Variants in SMIM3 observed in about 807,000 individuals in gnomAD.
SMIM3 encodes the protein NGF-induced differentiation clone 67 protein.
A neutral mutation model predicts 2.1 loss-of-function variants in SMIM3; 4 were observed. The observed-to-expected ratio is 1.89, with a 90% CI of 0.93 to 4.31. The LOEUF is 4.31. Ranked by LOEUF, SMIM3 falls within the 30% of genes most tolerant of loss-of-function variation. The pLI is 0.01. For synonymous variants in SMIM3, 29 were observed against 30.8 expected (o/e 0.94, Z 0.19); for missense variants, 79 against 77.7 (o/e 1.02, Z -0.06).
At chr5:150,793,868 G>A (rs764757316) in intron 1 of SMIM3, among the ~76,000 whole-genome samples, 13 of 152,034 alleles carry the variant, frequency 8.6e-5, no homozygotes, top group Non-Finnish European at 1.9e-4. Flanking sequence ...AGGAACAGTC[G>A]GCAGAGTAAA....
intron 1 of SMIM3, among the ~76,000 whole-genome samples, chr5:150,780,158 A>G (rs1044216223): frequency 6.6e-6 from 1 of 152,110 alleles, no homozygotes; most frequent in Non-Finnish European, 1.5e-5. Context: ...AGCGGGAAGA[A>G]CAGGTACTCT....
intron 1 of SMIM3, among the ~76,000 whole-genome samples, chr5:150,787,006 C>T (rs180711919): frequency 6.6e-6 from 1 of 152,238 alleles, no homozygotes. Context: ...AGTATACTTC[C>T]AGTTCATCTT....
At chr5:150,787,223 T>C (rs1753302292) in intron 1 of SMIM3, among the ~76,000 whole-genome samples, 2 of 152,124 alleles carry the variant, frequency 1.3e-5, no homozygotes, top group Non-Finnish European at 2.9e-5. Flanking sequence ...AAAACCTAAA[T>C]GAAGCTTAGA....
chr5:150,785,048 T>C (rs74294172), intron 1 of SMIM3, among the ~76,000 whole-genome samples: 8,916 of 151,424 alleles, frequency 0.059, 399 homozygotes, highest in East Asian at 0.24. Context: ...TGCTCTTGAA[T>C]ACTTTAATTC....
chr5:150,789,185 T>C (rs1278628359), intron 1 of SMIM3, among the ~76,000 whole-genome samples: 1 of 152,216 alleles, frequency 6.6e-6, no homozygotes, highest in Non-Finnish European at 1.5e-5. Context: ...TAAATTAATC[T>C]ATGACTATTA....
rs182871851 is a variant in SMIM3, at chr5:150,795,589, T to C, written c.149T>C (p.Met50Thr). The change falls in exon 2 of 2, where the codon ATG (methionine) becomes ACG (threonine). Residue 50 changes from methionine (M) to threonine (T), a missense_variant. Met to Thr is a moderately conservative substitution (Grantham distance 81). Coordinates refer to ENST00000526627, the MANE Select transcript of SMIM3 (RefSeq NM_032947.5). Reference protein sequence around the residue: ...CPATAVIIYRMRTHPILSGAV With the variant: ...CPATAVIIYRTRTHPILSGAV ...GCCACTGCAGTAATCATCTATCGCATGCGGACTCATCCGATCCTTAGTGGG... is the reference window on the plus strand; with the variant it reads ...GCCACTGCAGTAATCATCTATCGCACGCGGACTCATCCGATCCTTAGTGGG... 4 of 1,575,780 alleles carry C rather than the reference T, an allele frequency of 2.5e-6. No individual in the cohort carries two copies. In the Admixed American group the frequency reaches 7.3e-5, roughly 29 times the overall value.
chr5:150,794,148 A>G (rs1453351153), intron 1 of SMIM3, among the ~76,000 whole-genome samples: 1 of 152,240 alleles, frequency 6.6e-6, no homozygotes, highest in Non-Finnish European at 1.5e-5. Context: ...AAGAATGGCC[A>G]TAATAAAAAG....
At chr5:150,795,330 TG>T in intron 1 of SMIM3, 99 bp from the exon 2 acceptor site, 1 of 1,228,688 alleles carries the variant, frequency 8.1e-7, no homozygotes, top group Non-Finnish European at 1.2e-6. Flanking sequence ...TTTACATATC[TG>T]GTAAGTGACC....
At chr5:150,781,930 A>G (rs1287984722) in intron 1 of SMIM3, among the ~76,000 whole-genome samples, 1 of 151,562 alleles carries the variant, frequency 6.6e-6, no homozygotes, top group East Asian at 1.9e-4. Context: ...GGTTTCTAAG[A>G]CTCTGTGATT....
At chr5:150,787,902 T>C (rs1047723576) in intron 1 of SMIM3, among the ~76,000 whole-genome samples, 9 of 152,176 alleles carry the variant, frequency 5.9e-5, no homozygotes, top group Admixed American at 3.3e-4. Context: ...TAAGTAATAG[T>C]AAGTCCTGAG....
intron 1 of SMIM3, among the ~76,000 whole-genome samples, chr5:150,785,180 C>G (rs1160227784): frequency 1.3e-5 from 2 of 149,666 alleles, no homozygotes; most frequent in African/African-American, 5.0e-5. Flanking sequence ...CTCTGCCTCC[C>G]AGGTTCAAGC....
intron 1 of SMIM3, among the ~76,000 whole-genome samples, chr5:150,790,864 T>C (rs1302411138): frequency 6.6e-6 from 1 of 152,172 alleles, no homozygotes; most frequent in Non-Finnish European, 1.5e-5. Flanking sequence ...ATGTGGCATT[T>C]GGTGACTGCT....
At chr5:150,795,397 G>A (rs73282209) in intron 1 of SMIM3, 33 bp from the exon 2 acceptor site, 151,286 of 1,609,560 alleles carry the variant, frequency 0.094, 9,858 homozygotes, top group East Asian at 0.37. Context: ...GAGAGAGTAC[G>A]CAACAGTGAT....
At chr5:150,784,470 C>T (rs1753269921) in intron 1 of SMIM3, among the ~76,000 whole-genome samples, 3 of 152,150 alleles carry the variant, frequency 2.0e-5, no homozygotes, top group Admixed American at 2.0e-4. Context: ...CTGAGAGAGA[C>T]ATCTTGAAAT....
chr5:150,793,916 A>G (rs1256669872), intron 1 of SMIM3, among the ~76,000 whole-genome samples: 2 of 152,216 alleles, frequency 1.3e-5, no homozygotes, highest in African/African-American at 2.4e-5. Context: ...TTCACAATCT[A>G]TACATCTGAC....
chr5:150,784,010 C>T (rs1232632013), intron 1 of SMIM3, among the ~76,000 whole-genome samples: 4 of 150,956 alleles, frequency 2.6e-5, no homozygotes, highest in Non-Finnish European at 5.9e-5. Flanking sequence ...CCTCCACCTC[C>T]TGGGTTCAAG....
Position 150,789,739 on chromosome 5 carries a change from G to A in SMIM3, c.-11-5691G>A, listed in dbSNP as rs147369327. The stretch of plus-strand genomic sequence containing the variant: ...AGAAGAAAGAACCGACTTTAATTTC[G>A]TAACATGCAAAGTTTGTGTGTTATG... On this transcript the variant is annotated intron_variant, in intron 1 of 1. Transcript: ENST00000526627. Among the ~76,000 whole-genome samples the A allele has an allele frequency of 6.4e-3, 967 of 152,252 alleles. 8 individuals are homozygous for A. The highest frequency in any genetic ancestry group is 0.017 in the Middle Eastern group (5 of 294).
At chr5:150,779,086 A>C (rs1171397227) in intron 1 of SMIM3, 114 bp downstream of exon 1, 3 of 437,466 alleles carry the variant, frequency 6.9e-6, no homozygotes, top group African/African-American at 2.0e-5. Context: ...GTTCTTCTTT[A>C]TGTCCGGTCT....
At chr5:150,794,097 A>T (rs914096393) in intron 1 of SMIM3, among the ~76,000 whole-genome samples, 11 of 152,326 alleles carry the variant, frequency 7.2e-5, no homozygotes, top group African/African-American at 2.6e-4. Context: ...GATCAGGGAA[A>T]TGCAAATCAA....
Sources: allele counts gnomAD v4.1 joint callset (sites outside exome capture counted in the v4.1 genomes callset), GRCh38; gene constraint gnomAD v4.1.1; transcripts MANE v1.5; gene names NCBI Gene and HGNC (gene_info 2026-07-23, HGNC 2026-07-21).